RBFOX1: variants seen among roughly 807,000 people sequenced by gnomAD.
RBFOX1 encodes RNA binding protein fox-1 homolog 1.
A neutral mutation model predicts 57.7 loss-of-function variants in RBFOX1; 8 were observed. That is an observed-to-expected ratio of 0.14 (90% CI 0.08 to 0.25). The LOEUF (loss-of-function observed/expected upper bound fraction) is 0.25, where lower values mean the gene tolerates loss of function less well. Among genes scored for constraint, RBFOX1 ranks in the 10% least tolerant of loss-of-function variants. RBFOX1 has a pLI of 1.00. For synonymous variants in RBFOX1, 326 were observed against 222.4 expected, an observed-to-expected ratio of 1.47 and a Z score of -4.15; for missense variants, 611 against 548.5, an observed-to-expected ratio of 1.11 and a Z score of -1.14.
intron 1 of RBFOX1, among the ~76,000 whole-genome samples, chr16:6,201,166 A>G (rs1458998888): frequency 6.6e-6 from 1 of 152,036 alleles, no homozygotes; most frequent in African/African-American, 2.4e-5. Flanking sequence ...ATAATATTCC[A>G]TTGTATCTAT....
At chr16:7,263,084 G>C (rs1031575084) in intron 4 of RBFOX1, among the ~76,000 whole-genome samples, 11 of 152,304 alleles carry the variant, frequency 7.2e-5, no homozygotes, top group African/African-American at 2.6e-4. Context: ...CACAACCTCT[G>C]AATAGCCCTT....
chr16:5,484,683 C>T (rs986261940), intron 2 of RBFOX1, among the ~76,000 whole-genome samples: 18 of 152,066 alleles, frequency 1.2e-4, no homozygotes, highest in Non-Finnish European at 1.9e-4. Context: ...GAGACTGAGG[C>T]GGGCGGGTCA....
chr16:7,184,857 G>T (rs1182354678), intron 4 of RBFOX1, among the ~76,000 whole-genome samples: 1 of 152,132 alleles, frequency 6.6e-6, no homozygotes, highest in Non-Finnish European at 1.5e-5. Flanking sequence ...GTGTGTTGAA[G>T]TGTTACTAAC....
chr16:6,279,963 G>C (rs929012237), intron 1 of RBFOX1, among the ~76,000 whole-genome samples: 1 of 151,988 alleles, frequency 6.6e-6, no homozygotes, highest in African/African-American at 2.4e-5. Flanking sequence ...ATATTAAATT[G>C]GAAGGTGTTG....
intron 1 of RBFOX1, among the ~76,000 whole-genome samples, chr16:5,330,915 G>C (rs1364932550): frequency 6.6e-6 from 1 of 152,006 alleles, no homozygotes. Context: ...TGTTTGTTTT[G>C]TTTTTTCCCT....
At chr16:5,808,868 G>A (rs567526127) in intron 3 of RBFOX1, among the ~76,000 whole-genome samples, 2 of 152,274 alleles carry the variant, frequency 1.3e-5, no homozygotes, top group South Asian at 4.1e-4. Context: ...TGTGCAAACA[G>A]GGACAATTTG....
At chr16:5,490,238 C>A (rs1567155824) in intron 2 of RBFOX1, among the ~76,000 whole-genome samples, 1 of 152,228 alleles carries the variant, frequency 6.6e-6, no homozygotes, top group Non-Finnish European at 1.5e-5. Context: ...GCTACAACTA[C>A]CAGTTACATC....
chr16:5,870,048 A>G (rs915968104), intron 4 of RBFOX1, among the ~76,000 whole-genome samples: 2 of 151,794 alleles, frequency 1.3e-5, no homozygotes, highest in Non-Finnish European at 2.9e-5. Context: ...GTAATATAAT[A>G]TTATAAGAAA....
intron 1 of RBFOX1, among the ~76,000 whole-genome samples, chr16:6,237,087 T>C (rs756464334): frequency 5.9e-5 from 9 of 152,210 alleles, no homozygotes; most frequent in Non-Finnish European, 1.0e-4. Flanking sequence ...GTCTTCGGGT[T>C]TGCTTTTGTT....
intron 2 of RBFOX1, among the ~76,000 whole-genome samples, chr16:5,552,788 T>A (rs549618413): frequency 6.6e-6 from 1 of 152,266 alleles, no homozygotes; most frequent in Admixed American, 6.5e-5. Context: ...ATGAAGTCCC[T>A]GCTGCTAAAC....
At chr16:6,725,844 G>T (rs2067055248) in intron 3 of RBFOX1, among the ~76,000 whole-genome samples, 1 of 152,106 alleles carries the variant, frequency 6.6e-6, no homozygotes, top group Non-Finnish European at 1.5e-5. Flanking sequence ...AATACTGTTT[G>T]CCTTTTTCCA....
At chr16:6,861,823 GTTTTTTTTTTT>G (rs35138717) in intron 3 of RBFOX1, among the ~76,000 whole-genome samples, 1 of 92,458 alleles carries the variant, frequency 1.1e-5, no homozygotes, top group African/African-American at 4.3e-5. Context: ...GCGTCCCTTG[GTTTTTTTTTTT>G]TTTTTTTTTT....
intron 4 of RBFOX1, among the ~76,000 whole-genome samples, chr16:7,325,904 C>G (rs989357675): frequency 6.6e-6 from 1 of 152,146 alleles, no homozygotes; most frequent in Admixed American, 6.5e-5. Flanking sequence ...CTCTTCTCAC[C>G]TACGCTGGAT....
chr16:7,640,020 T>C (rs956795794), intron 11 of RBFOX1, among the ~76,000 whole-genome samples: 5 of 152,248 alleles, frequency 3.3e-5, no homozygotes, highest in Admixed American at 2.6e-4. Flanking sequence ...ACTTTTCCCA[T>C]GTCCCAGCAC....
intron 1 of RBFOX1, among the ~76,000 whole-genome samples, chr16:5,300,908 G>A (rs540904307): frequency 1.3e-5 from 2 of 152,242 alleles, no homozygotes; most frequent in African/African-American, 4.8e-5. Flanking sequence ...TAATTTGTGT[G>A]TTTCTTTCTG....
intron 3 of RBFOX1, among the ~76,000 whole-genome samples, chr16:6,780,500 T>A (rs866008261): frequency 0.039 from 4,321 of 110,316 alleles, 307 homozygotes; most frequent in East Asian, 0.29. Context: ...ATATACATTT[T>A]TATATATTTA....
At position 7,710,314 on chromosome 16, in the gene RBFOX1, C is replaced by T. The variant is rs978874106; in HGVS notation, c.1072-309C>T. On this transcript the variant is annotated intron_variant, in intron 15 of 15. Transcript: ENST00000550418. ...ACTGGTCCAAATTCAACCTCAAGTG[C>T]AGATTATTCTGTTATAAAAAAATGA... The T allele has an allele frequency of 5.9e-6, 7 of 1,186,648 alleles. No individual in the cohort carries two copies. In the Admixed American group the frequency reaches 1.9e-4, roughly 33 times the overall value. 73.5% of individuals were successfully genotyped at this position (1,186,648 alleles called of 1,614,324 possible). A position where few individuals can be genotyped will look rare whatever the true frequency, so the allele number is the denominator to read the frequency against.
At chr16:6,750,520 G>T (rs2074723105) in intron 3 of RBFOX1, among the ~76,000 whole-genome samples, 1 of 152,238 alleles carries the variant, frequency 6.6e-6, no homozygotes, top group South Asian at 2.1e-4. Context: ...GTTAACAGCA[G>T]TTTATCAGAG....
At chr16:6,314,157 C>G (rs1193128007) in intron 1 of RBFOX1, among the ~76,000 whole-genome samples, 1 of 152,154 alleles carries the variant, frequency 6.6e-6, no homozygotes, top group Non-Finnish European at 1.5e-5. Flanking sequence ...AGAGAAACCT[C>G]TTTCTGGAAT....
Sources: gnomAD v4.1 joint callset for allele counts (sites outside exome capture counted in the v4.1 genomes callset) on GRCh38, gnomAD v4.1.1 for gene constraint, MANE v1.5 for transcripts, NCBI Gene and HGNC (gene_info 2026-07-23, HGNC 2026-07-21) for gene names.